NDUFAF5: variants seen among roughly 807,000 people sequenced by gnomAD.
The protein encoded by NDUFAF5 is arginine-hydroxylase NDUFAF5, mitochondrial.
In NDUFAF5, 34 loss-of-function variants were observed where a neutral mutation model predicts 48.9. That is an observed-to-expected ratio of 0.70 (90% CI 0.53 to 0.93). The LOEUF is 0.93. Among genes scored for constraint, NDUFAF5 ranks in the 40% least tolerant of loss-of-function variants. The probability of loss-of-function intolerance (pLI) is 0.00; values close to 1 mark genes in which losing one functional copy is unlikely to be tolerated. For synonymous variants in NDUFAF5, 153 were observed against 150.6 expected (o/e 1.02, Z -0.12); for missense variants, 428 against 427.5 (o/e 1.00, Z -0.01).
At chr20:13,814,349 A>G in intron 8 of NDUFAF5, 1 of 769,140 alleles carries the variant, frequency 1.3e-6, no homozygotes. Context: ...GGGATTTTAC[A>G]TTTGTGGTGT....
In NDUFAF5 at chr20:13,818,524, A is replaced by G. The variant is rs960265464; in HGVS notation, c.*1314A>G. 3.1e-6 allele frequency: 1 copy of G among 326,848 alleles called. No individual in the cohort carries two copies. The highest frequency in any genetic ancestry group is 5.9e-6 in the Non-Finnish European group (1 of 170,442). 20.2% of individuals were successfully genotyped at this position (326,848 alleles called of 1,614,324 possible). On this transcript the variant is annotated 3_prime_UTR_variant, in exon 11 of 11. Coordinates refer to ENST00000378106, the MANE Select transcript of NDUFAF5 (RefSeq NM_024120.5). ...AAACAAACTGCGCTAGCCAGGTGCA[A>G]TGGCGCATGCCTGTAGTCCCAGCTA...
In NDUFAF5 at chr20:13,805,890, G is replaced by A. The variant is rs140580740; in HGVS notation, c.718-2952G>A. 5.3e-5 allele frequency among the ~76,000 whole-genome samples: 8 copies of A among 152,134 alleles called. No individual in the cohort carries two copies. The East Asian group carries it at 1.4e-3, about 26-fold the overall frequency. On this transcript the variant is annotated intron_variant, in intron 7 of 10. Coordinates refer to ENST00000378106, the MANE Select transcript of NDUFAF5 (RefSeq NM_024120.5). ...TGCAGTGAGCCATGATCTCACCACT[G>A]CACTCCAGCCTGTGTGACAGAGCAA...
chr20:13,788,022 A>G (rs1218821898), intron 2 of NDUFAF5, among the ~76,000 whole-genome samples: 2 of 152,164 alleles, frequency 1.3e-5, no homozygotes, highest in Non-Finnish European at 2.9e-5. Flanking sequence ...ACCGAATTCA[A>G]GTGTTGACTG....
At chr20:13,802,402 C>G (rs1291195856) in intron 7 of NDUFAF5, among the ~76,000 whole-genome samples, 1 of 152,130 alleles carries the variant, frequency 6.6e-6, no homozygotes, top group African/African-American at 2.4e-5. Context: ...GGTGCGGTGG[C>G]TCACGCCTGT....
intron 6 of NDUFAF5, among the ~76,000 whole-genome samples, chr20:13,801,019 C>T (rs1321628924): frequency 6.6e-6 from 1 of 152,168 alleles, no homozygotes; most frequent in African/African-American, 2.4e-5. Flanking sequence ...GTCACTTCCA[C>T]TGCATTCTTT....
At chr20:13,792,015 C>T (rs551188670) in intron 3 of NDUFAF5, among the ~76,000 whole-genome samples, 10 of 152,298 alleles carry the variant, frequency 6.6e-5, no homozygotes, top group African/African-American at 2.4e-4. Context: ...TTGGCAAATG[C>T]TACAAAGCAG....
At position 13,787,360 on chromosome 20, in the gene NDUFAF5, G is replaced by C; in HGVS notation, c.263+8G>C. The C allele has an allele frequency of 6.2e-7, 1 of 1,613,528 alleles. No homozygotes were observed. Among genetic ancestry groups the C allele is most frequent in the East Asian group, 2.2e-5 (1 of 44,874 alleles). ...TGTATATGACATACCCAGGTAAGTG[G>C]TGGTGATCATAATACAATACCATCA... On this transcript the variant is annotated splice_region_variant and intron_variant, in intron 2 of 10. Coordinates refer to ENST00000378106, the MANE Select transcript of NDUFAF5 (RefSeq NM_024120.5).
intron 8 of NDUFAF5, chr20:13,814,329 A>G: frequency 1.6e-6 from 1 of 629,672 alleles, no homozygotes; most frequent in South Asian, 1.5e-5. Flanking sequence ...TTACTTCCAA[A>G]TTTGTTTCTG....
chr20:13,788,558 C>T (rs1231733106), intron 2 of NDUFAF5, 31 bp from the exon 3 acceptor site: 1 of 1,536,294 alleles, frequency 6.5e-7, no homozygotes, highest in African/African-American at 1.4e-5. Flanking sequence ...GTGTTATGGA[C>T]AGAGCATAAC....
rs186736229 is a variant in NDUFAF5, at chr20:13,804,454, A to C, written c.717+2771A>C. ...TTTTTTTTAACAAGGACTACTTTAT[A>C]TAGACAGTCATATGTATTCACACAT... On this transcript the variant is annotated intron_variant, in intron 7 of 10. Transcript: ENST00000378106. Among the ~76,000 whole-genome samples, 573 of 151,942 alleles carry C rather than the reference A, an allele frequency of 3.8e-3. 3 individuals carry two copies. The highest frequency in any genetic ancestry group is 0.013 in the African/African-American group (525 of 41,444).
At position 13,816,453 on chromosome 20, in the gene NDUFAF5, G is replaced by A. The variant is rs778059358; in HGVS notation, c.779-10G>A. 1.2e-6 allele frequency: 2 copies of A among 1,602,458 alleles called. No individual in the cohort carries two copies. Among genetic ancestry groups the A allele is most frequent in the South Asian group, 1.1e-5 (1 of 90,832 alleles). On this transcript the variant is annotated splice_polypyrimidine_tract_variant and intron_variant, in intron 8 of 10. Transcript: ENST00000378106. ...TGTATTATCTCAAACTACCTGTAGT[G>A]TATTTGTAGGTATGGGTGAGAGTAA...
Position 13,814,358 on chromosome 20 carries a change from G to A in NDUFAF5, c.779-2105G>A, listed in dbSNP as rs1986222956. 6.0e-6 allele frequency: 5 copies of A among 832,666 alleles called. No individual in the cohort carries two copies. In the South Asian group the frequency reaches 7.1e-5, roughly 12 times the overall value. 51.6% of individuals were successfully genotyped at this position (832,666 alleles called of 1,614,324 possible). ...GTTTCTGGGATTTTACATTTGTGGT[G>A]TATTTTTTTTCTTAATGGTTGTGGT... On this transcript the variant is annotated intron_variant, in intron 8 of 10. Coordinates refer to ENST00000378106, the MANE Select transcript of NDUFAF5 (RefSeq NM_024120.5).
rs1337560321 is a variant in NDUFAF5 at position 13,793,210 on chromosome 20, A to G, written c.358A>G (p.Ile120Val). The G allele has an allele frequency of 3.7e-6, 6 of 1,613,850 alleles. No homozygotes were observed. Among genetic ancestry groups the G allele is most frequent in the Non-Finnish European group, 8.5e-7 (1 of 1,179,878 alleles). The change falls in exon 4 of 11, where the codon ATT (isoleucine) becomes GTT (valine). Residue 120 changes from isoleucine to valine, a missense_variant. Coordinates refer to ENST00000378106, the MANE Select transcript of NDUFAF5 (RefSeq NM_024120.5). ...TATTGGAAAGTTTTTCCAAGCTGAC[A>G]TTGCAGAAAATGCTTTGGTAGGTAG... ...ETIGKFFQADIAENALKNSSE... is the reference protein window; with the variant it reads ...ETIGKFFQADVAENALKNSSE...
At chr20:13,791,264 G>A (rs1982233315) in intron 3 of NDUFAF5, among the ~76,000 whole-genome samples, 1 of 152,184 alleles carries the variant, frequency 6.6e-6, no homozygotes, top group Non-Finnish European at 1.5e-5. Context: ...TGAAGTCAGG[G>A]CTTCAAACTT....
chr20:13,808,393 C>T (rs1425456143), intron 7 of NDUFAF5, among the ~76,000 whole-genome samples: 1 of 152,172 alleles, frequency 6.6e-6, no homozygotes, highest in East Asian at 1.9e-4. Context: ...CTAAACAAGC[C>T]TATTGGCTGC....
chr20:13,788,494 T>C, intron 2 of NDUFAF5, 95 bp from the exon 3 acceptor site: 2 of 932,490 alleles, frequency 2.1e-6, no homozygotes, highest in Admixed American at 3.8e-5. Flanking sequence ...TTCTGGAAGT[T>C]GTGTTTACTG....
chr20:13,799,193 G>A (rs1983721157), intron 6 of NDUFAF5, among the ~76,000 whole-genome samples: 1 of 152,158 alleles, frequency 6.6e-6, no homozygotes, highest in South Asian at 2.1e-4. Flanking sequence ...GTATTTAGGA[G>A]GATTTGAGTG....
At chr20:13,814,535 T>G (rs181503157) in intron 8 of NDUFAF5, 177 of 1,150,520 alleles carry the variant, frequency 1.5e-4, no homozygotes, top group Admixed American at 1.4e-3. Context: ...GTTATTTTTT[T>G]AAACAATACT....
intron 7 of NDUFAF5, 104 bp from the exon 8 acceptor site, chr20:13,808,738 C>T: frequency 1.4e-6 from 1 of 702,914 alleles, no homozygotes; most frequent in South Asian, 1.6e-5. Context: ...ATATTTTTTG[C>T]TTAGCATGGG....
Sources: allele counts gnomAD v4.1 joint callset (sites outside exome capture counted in the v4.1 genomes callset), GRCh38; gene constraint gnomAD v4.1.1; transcripts MANE v1.5; gene names NCBI Gene and HGNC (gene_info 2026-07-23, HGNC 2026-07-21).